The following AGBL4 variants were observed in gnomAD, a reference collection of about 807,000 sequenced individuals.
AGBL4 encodes the protein AGBL carboxypeptidase 4, also known as cytosolic carboxypeptidase 6.
AGBL4 carries 58 observed loss-of-function variants against 66.4 expected under a neutral mutation model. The ratio of observed to expected loss-of-function variants is 0.87; its 90% CI spans 0.71 to 1.09. AGBL4 has a LOEUF of 1.09. Among genes scored for constraint, AGBL4 ranks in the 50% least tolerant of loss-of-function variants. The pLI is 0.00. For synonymous variants in AGBL4, 234 were observed against 222.9 expected, an observed-to-expected ratio of 1.05 and a Z score of -0.44; for missense variants, 579 against 631.0, an observed-to-expected ratio of 0.92 and a Z score of 0.88.
chr1:49,816,738 G>T (rs947541155), intron 2 of AGBL4, among the ~76,000 whole-genome samples: 2 of 152,138 alleles, frequency 1.3e-5, no homozygotes, highest in Non-Finnish European at 2.9e-5. Context: ...AGTGACCAGG[G>T]TTTGTCTCTT....
intron 6 of AGBL4, among the ~76,000 whole-genome samples, chr1:48,777,487 G>GCTTT (rs960611004): frequency 6.6e-6 from 1 of 151,162 alleles, no homozygotes; most frequent in African/African-American, 2.4e-5. Flanking sequence ...CCTTTTCTTT[G>GCTTT]CTTTCTTTCT....
At chr1:49,996,052 A>G (rs1660345176) in intron 1 of AGBL4, 1 of 152,220 alleles carries the variant, frequency 6.6e-6, no homozygotes, top group Non-Finnish European at 1.5e-5. Flanking sequence ...GGGACACAAG[A>G]ATGTGAACAG....
chr1:49,833,035 T>C lies in AGBL4; in HGVS notation c.157+18361A>G, dbSNP rs1645739362. Among the ~76,000 whole-genome samples the C allele has an allele frequency of 2.6e-5, 4 of 152,116 alleles. No homozygotes were observed. The South Asian group carries it at 6.2e-4, about 24-fold the overall frequency. ...TGTCAATTTTGGCTTTTGTTGCCAT[T>C]GCTTTTGGTGTTTTAGACATGAAGT... On this transcript the variant is annotated intron_variant, in intron 2 of 13. Transcript: ENST00000371839.
At chr1:48,922,247 G>A (rs1654143250) in intron 5 of AGBL4, among the ~76,000 whole-genome samples, 1 of 152,130 alleles carries the variant, frequency 6.6e-6, no homozygotes, top group Admixed American at 6.6e-5. Context: ...TTTCTCATTT[G>A]TTATGCACAG....
At chr1:49,393,795 T>G (rs985792300) in intron 3 of AGBL4, among the ~76,000 whole-genome samples, 5 of 152,162 alleles carry the variant, frequency 3.3e-5, no homozygotes, top group Non-Finnish European at 5.9e-5. Context: ...GAGTGCATTG[T>G]GATGTAGGGA....
chr1:49,603,788 C>T (rs1645011503), intron 3 of AGBL4, among the ~76,000 whole-genome samples: 10 of 152,012 alleles, frequency 6.6e-5, no homozygotes, highest in Admixed American at 6.6e-4. Flanking sequence ...ATAGCTTAGG[C>T]CGCACTTGTA....
At chr1:48,616,922 C>T (rs1170429277) in intron 9 of AGBL4, among the ~76,000 whole-genome samples, 3 of 152,176 alleles carry the variant, frequency 2.0e-5, no homozygotes, top group Admixed American at 2.0e-4. Flanking sequence ...CGGCTGGTTT[C>T]TTTTCTGCCT....
chr1:49,893,808 G>T (rs935748108), intron 1 of AGBL4, among the ~76,000 whole-genome samples: 5 of 152,198 alleles, frequency 3.3e-5, no homozygotes, highest in African/African-American at 1.2e-4. Context: ...CTGCCATGAA[G>T]GAGAGAACAC....
At chr1:49,318,646 T>G (rs1359353118) in intron 3 of AGBL4, among the ~76,000 whole-genome samples, 1 of 152,070 alleles carries the variant, frequency 6.6e-6, no homozygotes, top group African/African-American at 2.4e-5. Context: ...AGCAGGCTTA[T>G]AAGATAGTGT....
chr1:49,741,928 A>T (rs1262929970), intron 2 of AGBL4, among the ~76,000 whole-genome samples: 1 of 151,990 alleles, frequency 6.6e-6, no homozygotes, highest in Non-Finnish European at 1.5e-5. Context: ...TCTATGACAA[A>T]CCCACAGCCA....
chr1:49,603,573 A>G (rs1645005705), intron 3 of AGBL4, among the ~76,000 whole-genome samples: 1 of 150,434 alleles, frequency 6.6e-6, no homozygotes, highest in Non-Finnish European at 1.5e-5. Context: ...TAAATAAATA[A>G]ACAAATAAAT....
chr1:49,385,799 T>C (rs181867206), intron 3 of AGBL4, among the ~76,000 whole-genome samples: 1 of 152,204 alleles, frequency 6.6e-6, no homozygotes, highest in African/African-American at 2.4e-5. Context: ...TCCAAAAGTA[T>C]TGGTATTCTG....
intron 11 of AGBL4, among the ~76,000 whole-genome samples, chr1:48,558,199 G>A (rs541599090): frequency 6.6e-5 from 10 of 152,140 alleles, no homozygotes; most frequent in South Asian, 6.2e-4. Flanking sequence ...TCTTTGTTTC[G>A]GCTTTAATCA....
chr1:49,090,193 C>T (rs1212496099), intron 4 of AGBL4, among the ~76,000 whole-genome samples: 1 of 152,128 alleles, frequency 6.6e-6, no homozygotes, highest in Non-Finnish European at 1.5e-5. Context: ...AGAATGCTCA[C>T]TCTCACCACT....
chr1:49,472,977 T>G (rs1646775166), intron 3 of AGBL4, among the ~76,000 whole-genome samples: 1 of 152,034 alleles, frequency 6.6e-6, no homozygotes, highest in Non-Finnish European at 1.5e-5. Flanking sequence ...GGTGCATCCA[T>G]GTTGCGGCAA....
chr1:49,341,498 CT>C (rs1645538158), intron 3 of AGBL4, among the ~76,000 whole-genome samples: 1 of 152,176 alleles, frequency 6.6e-6, no homozygotes, highest in Admixed American at 6.5e-5. Context: ...GAAGTTAGGA[CT>C]TCCGAACTTA....
intron 3 of AGBL4, among the ~76,000 whole-genome samples, chr1:49,263,074 A>T (rs1317445948): frequency 2.0e-5 from 3 of 150,928 alleles, no homozygotes; most frequent in African/African-American, 7.3e-5. Flanking sequence ...CAAACACCGC[A>T]TGTTCTCACT....
At chr1:49,668,866 CA>C (rs1646420653) in intron 3 of AGBL4, among the ~76,000 whole-genome samples, 1 of 152,120 alleles carries the variant, frequency 6.6e-6, no homozygotes, top group African/African-American at 2.4e-5. Flanking sequence ...TTGTTAGACA[CA>C]GATATTTTTA....
chr1:50,014,099 G>A (rs1661752813), intron 1 of AGBL4, among the ~76,000 whole-genome samples: 1 of 152,166 alleles, frequency 6.6e-6, no homozygotes, highest in African/African-American at 2.4e-5. Context: ...AAGGCCAGGT[G>A]TGGTGGCTCA....
Sources: allele counts gnomAD v4.1 joint callset (sites outside exome capture counted in the v4.1 genomes callset), GRCh38; gene constraint gnomAD v4.1.1; transcripts MANE v1.5; gene names NCBI Gene and HGNC (gene_info 2026-07-23, HGNC 2026-07-21).